Variants in FRMD5 observed in about 807,000 individuals in gnomAD.
FRMD5 encodes the protein FERM domain-containing protein 5.
Under a neutral mutation model 69.0 loss-of-function variants are expected in FRMD5, and 20 were observed. The ratio of observed to expected loss-of-function variants is 0.29; its 90% CI spans 0.20 to 0.42. FRMD5 has a LOEUF of 0.42. Ranked by LOEUF, FRMD5 falls within the 10% of genes least tolerant of loss-of-function variation. The probability of loss-of-function intolerance (pLI) is 1.00; values close to 1 mark genes in which losing one functional copy is unlikely to be tolerated. For synonymous variants in FRMD5, 271 were observed against 260.1 expected, an observed-to-expected ratio of 1.04 and a Z score of -0.40; for missense variants, 595 against 708.6, an observed-to-expected ratio of 0.84 and a Z score of 1.82.
At chr15:43,966,530 A>G (rs2090297842) in intron 1 of FRMD5, among the ~76,000 whole-genome samples, 1 of 152,210 alleles carries the variant, frequency 6.6e-6, no homozygotes, top group Non-Finnish European at 1.5e-5. Flanking sequence ...TAAGACTAAG[A>G]AAAGGGAGAG....
intron 1 of FRMD5, among the ~76,000 whole-genome samples, chr15:44,117,244 T>C (rs1162933365): frequency 6.6e-6 from 1 of 152,218 alleles, no homozygotes; most frequent in Non-Finnish European, 1.5e-5. Flanking sequence ...CAGGACTTAC[T>C]GTGATTCAGA....
chr15:44,148,430 C>T (rs1338881087), intron 1 of FRMD5, among the ~76,000 whole-genome samples: 1 of 152,104 alleles, frequency 6.6e-6, no homozygotes, highest in African/African-American at 2.4e-5. Context: ...CGCCACAACG[C>T]CCGGCTAATT....
At chr15:44,100,589 T>C (rs2076624672) in intron 1 of FRMD5, among the ~76,000 whole-genome samples, 1 of 152,152 alleles carries the variant, frequency 6.6e-6, no homozygotes, top group African/African-American at 2.4e-5. Flanking sequence ...AAACCACTTC[T>C]ACATTATTAA....
Position 43,905,781 on chromosome 15 carries a change from G to A in FRMD5, c.551+47C>T, listed in dbSNP as rs770297971. On this transcript the variant is annotated intron_variant, in intron 6 of 13. Coordinates refer to ENST00000417257, the MANE Select transcript of FRMD5 (RefSeq NM_032892.5). ...CACGGCGTGGAGCCTGCGTGCTCAG[G>A]CTGTGGAGAAGCCACAATGTTCTGG... 8 of 1,610,310 alleles carry A rather than the reference G, an allele frequency of 5.0e-6. 1 individual carries two copies. The highest frequency in any genetic ancestry group is 6.8e-6 in the Non-Finnish European group (8 of 1,177,910).
intron 1 of FRMD5, among the ~76,000 whole-genome samples, chr15:44,167,203 C>T (rs968556488): frequency 7.2e-5 from 11 of 151,752 alleles, no homozygotes; most frequent in African/African-American, 2.2e-4. Context: ...CTCGTCTCCA[C>T]AAAAAAAATT....
intron 1 of FRMD5, among the ~76,000 whole-genome samples, chr15:44,003,415 A>G (rs1356385110): frequency 2.0e-5 from 3 of 152,160 alleles, no homozygotes; most frequent in African/African-American, 7.2e-5. Flanking sequence ...CAATGATCAC[A>G]AAACACTCAG....
intron 7 of FRMD5, among the ~76,000 whole-genome samples, chr15:43,898,307 C>T (rs1333274441): frequency 2.0e-5 from 3 of 152,204 alleles, no homozygotes; most frequent in Non-Finnish European, 4.4e-5. Context: ...TACCTTTGGG[C>T]ATGTTAGTTG....
chr15:44,126,639 A>AC (rs1455558175), intron 1 of FRMD5, among the ~76,000 whole-genome samples: 2 of 151,998 alleles, frequency 1.3e-5, no homozygotes, highest in African/African-American at 4.8e-5. Flanking sequence ...CACTCCAAGG[A>AC]CCCTCTACTC....
intron 1 of FRMD5, among the ~76,000 whole-genome samples, chr15:44,122,678 ATCACGAGG>A (rs1300930806): frequency 6.6e-6 from 1 of 152,216 alleles, no homozygotes; most frequent in African/African-American, 2.4e-5. Flanking sequence ...CTGAGGGCAG[ATCACGAGG>A]TCAGGAGATG....
intron 1 of FRMD5, among the ~76,000 whole-genome samples, chr15:44,009,692 C>G (rs549986802): frequency 6.6e-6 from 1 of 152,074 alleles, no homozygotes; most frequent in Non-Finnish European, 1.5e-5. Context: ...AAAAAATCCA[C>G]TTTTATGGAG....
intron 1 of FRMD5, among the ~76,000 whole-genome samples, chr15:43,933,814 C>G (rs141004333): frequency 2.8e-4 from 43 of 152,320 alleles, no homozygotes; most frequent in African/African-American, 8.7e-4. Flanking sequence ...TTTTCAATGG[C>G]TAACTAGCTC....
chr15:44,194,055 T>C (rs975035247), intron 1 of FRMD5, among the ~76,000 whole-genome samples: 3 of 152,194 alleles, frequency 2.0e-5, no homozygotes, highest in African/African-American at 7.2e-5. Context: ...GCATTGTCAA[T>C]GTTTTCAATC....
chr15:43,975,610 T>G (rs1449689429), intron 1 of FRMD5, among the ~76,000 whole-genome samples: 1 of 152,186 alleles, frequency 6.6e-6, no homozygotes, highest in African/African-American at 2.4e-5. Context: ...AAGACGTTGC[T>G]GAGAGAAATG....
intron 1 of FRMD5, among the ~76,000 whole-genome samples, chr15:44,156,099 C>G (rs2077523617): frequency 1.3e-5 from 2 of 152,116 alleles, no homozygotes; most frequent in Non-Finnish European, 2.9e-5. Flanking sequence ...TCTCAGTGAA[C>G]TGAGGTCAGT....
intron 1 of FRMD5, among the ~76,000 whole-genome samples, chr15:44,037,141 C>G (rs1414766399): frequency 6.6e-6 from 1 of 152,072 alleles, no homozygotes; most frequent in Non-Finnish European, 1.5e-5. Context: ...CCCCTAGCTC[C>G]CCCAACCCCC....
At chr15:44,014,230 TG>T (rs1890854357) in intron 1 of FRMD5, among the ~76,000 whole-genome samples, 1 of 151,908 alleles carries the variant, frequency 6.6e-6, no homozygotes, top group South Asian at 2.1e-4. Flanking sequence ...GCAGCTGTGA[TG>T]GGGGGAAAAG....
intron 1 of FRMD5, among the ~76,000 whole-genome samples, chr15:43,967,788 T>A (rs1219224431): frequency 6.6e-6 from 1 of 152,122 alleles, no homozygotes; most frequent in Non-Finnish European, 1.5e-5. Flanking sequence ...AGTTCTGGAA[T>A]ACATGTGCAG....
intron 1 of FRMD5, among the ~76,000 whole-genome samples, chr15:43,946,783 A>G (rs1183346710): frequency 6.6e-6 from 1 of 152,202 alleles, no homozygotes; most frequent in Admixed American, 6.5e-5. Context: ...TGCTCCCTAC[A>G]TGGTGGTCAC....
At chr15:44,168,130 G>A (rs939526605) in intron 1 of FRMD5, among the ~76,000 whole-genome samples, 2 of 152,122 alleles carry the variant, frequency 1.3e-5, no homozygotes, top group South Asian at 2.1e-4. Flanking sequence ...TAGGACAACC[G>A]TTAGAATAAA....
Sources: allele counts gnomAD v4.1 joint callset (sites outside exome capture counted in the v4.1 genomes callset), GRCh38; gene constraint gnomAD v4.1.1; transcripts MANE v1.5; gene names NCBI Gene and HGNC (gene_info 2026-07-23, HGNC 2026-07-21).